Variants in TMX3 observed in about 807,000 individuals in gnomAD.
The protein encoded by TMX3 is thioredoxin related transmembrane protein 3, also known as protein disulfide-isomerase TMX3.
TMX3 carries 40 observed loss-of-function variants against 64.4 expected under a neutral mutation model. The observed-to-expected ratio is 0.62, with a 90% CI of 0.48 to 0.81. The LOEUF (loss-of-function observed/expected upper bound fraction) is 0.81, where lower values mean the gene tolerates loss of function less well. TMX3 is among the 30% of genes least tolerant of loss of function. The pLI is 0.00. For missense variants in TMX3, 497 were observed against 534.5 expected, an observed-to-expected ratio of 0.93 and a Z score of 0.69; for synonymous variants, 189 against 175.7, an observed-to-expected ratio of 1.08 and a Z score of -0.60.
rs950069655 is a variant in TMX3, at chr18:68,710,104, G to C, written c.182C>G (p.Pro61Arg). 1.3e-6 allele frequency: 2 copies of C among 1,599,392 alleles called. No homozygotes were observed. The highest frequency in any genetic ancestry group is 1.7e-6 in the Non-Finnish European group (2 of 1,173,516). Residue 61 changes from proline (P) to arginine (R), a missense_variant, in exon 4 of 16, where the codon CCA becomes CGA. By Grantham distance (103) the Pro-to-Arg change is moderately radical. Coordinates refer to ENST00000299608, the MANE Select transcript of TMX3 (RefSeq NM_019022.5). ...CTCAAGACCAACTTCATTCCAAATTGGTTCCAGCTTTTTACAATGGCCACA... is the reference window on the plus strand; with the variant it reads ...CTCAAGACCAACTTCATTCCAAATTCGTTCCAGCTTTTTACAATGGCCACA... Reference protein sequence around the residue: ...PWCGHCKKLEPIWNEVGLEMK... With the variant: ...PWCGHCKKLERIWNEVGLEMK...
At chr18:68,688,553 T>A (rs1273936923) in intron 9 of TMX3, 1 of 152,216 alleles carries the variant, frequency 6.6e-6, no homozygotes, top group Non-Finnish European at 1.5e-5. Context: ...TACATCTGGT[T>A]GAAGAATGGA....
chr18:68,700,557 A>C, intron 5 of TMX3, 72 bp from the exon 6 acceptor site: 1 of 1,161,664 alleles, frequency 8.6e-7, no homozygotes. Flanking sequence ...ATCATTATCT[A>C]TTGTTTCATA....
intron 8 of TMX3, among the ~76,000 whole-genome samples, chr18:68,695,949 T>G (rs963092036): frequency 2.0e-4 from 30 of 152,192 alleles, no homozygotes; most frequent in Non-Finnish European, 2.9e-4. Flanking sequence ...CCTACTGTTT[T>G]GTTCCTGCAT....
intron 4 of TMX3, among the ~76,000 whole-genome samples, chr18:68,709,223 G>A (rs1468240775): frequency 2.0e-5 from 3 of 152,130 alleles, no homozygotes; most frequent in African/African-American, 7.2e-5. Context: ...CAGGCAGAGC[G>A]AGGATTTGAA....
chr18:68,706,077 T>C (rs2030630323), intron 4 of TMX3, among the ~76,000 whole-genome samples: 1 of 152,202 alleles, frequency 6.6e-6, no homozygotes, highest in Non-Finnish European at 1.5e-5. Flanking sequence ...AGTGGAATCA[T>C]CTGAAGTGCT....
intron 4 of TMX3, among the ~76,000 whole-genome samples, chr18:68,703,402 A>G (rs2030325604): frequency 6.6e-6 from 1 of 152,220 alleles, no homozygotes; most frequent in Non-Finnish European, 1.5e-5. Context: ...GCAATCAATG[A>G]GAAAACACAC....
intron 2 of TMX3, among the ~76,000 whole-genome samples, chr18:68,713,033 G>C (rs1395874137): frequency 3.3e-5 from 5 of 150,368 alleles, no homozygotes; most frequent in South Asian, 2.1e-4. Flanking sequence ...AGAGGCACCA[G>C]CTCCTCAGTG....
Position 68,697,371 on chromosome 18 carries a change from A to G in TMX3, c.493-68T>C, listed in dbSNP as rs938073780. 2.6e-5 allele frequency: 21 copies of G among 812,898 alleles called. No individual in the cohort carries two copies. In the African/African-American group the frequency reaches 3.3e-4, roughly 13 times the overall value. 50.4% of individuals were successfully genotyped at this position (812,898 alleles called of 1,614,324 possible). On this transcript the variant is annotated intron_variant, in intron 7 of 15. Coordinates refer to ENST00000299608, the MANE Select transcript of TMX3 (RefSeq NM_019022.5). Reference sequence around the variant, plus strand: ...AAGGCCAAAATTCATTCCTCATTAAACAATGAGAGTTACCTTATGTAGTAA... The same window carrying G: ...AAGGCCAAAATTCATTCCTCATTAAGCAATGAGAGTTACCTTATGTAGTAA...
At chr18:68,679,436 T>C (rs757183126) in intron 15 of TMX3, 27 bp downstream of exon 15, 1 of 1,572,368 alleles carries the variant, frequency 6.4e-7, no homozygotes, top group Non-Finnish European at 8.7e-7. Context: ...TTCTTCATTA[T>C]CAATGACATA....
chr18:68,687,985 TTAAAAA>T (rs1223424320), intron 9 of TMX3: 1 of 311,842 alleles, frequency 3.2e-6, no homozygotes, highest in African/African-American at 2.2e-5. Context: ...ATAAAAATAA[TTAAAAA>T]TAAAGGAAAT....
intron 2 of TMX3, 95 bp from the exon 3 acceptor site, chr18:68,711,498 GA>G: frequency 2.5e-6 from 2 of 811,112 alleles, no homozygotes; most frequent in Non-Finnish European, 3.7e-6. Context: ...AAATATAAGG[GA>G]AAGACCCAAA....
intron 10 of TMX3, 111 bp from the exon 11 acceptor site, chr18:68,684,596 C>G (rs775369568): frequency 4.0e-5 from 34 of 851,396 alleles, no homozygotes; most frequent in Non-Finnish European, 6.5e-5. Context: ...GAATTTAATT[C>G]CAATCACCCT....
chr18:68,706,576 C>G (rs892197172), intron 4 of TMX3, among the ~76,000 whole-genome samples: 1 of 152,136 alleles, frequency 6.6e-6, no homozygotes, highest in African/African-American at 2.4e-5. Flanking sequence ...AATTCTATTG[C>G]AGGTCGTCTA....
Position 68,710,971 on chromosome 18 carries a change from T to G in TMX3, c.141+393A>C, listed in dbSNP as rs569293039. Reference sequence around the variant, plus strand: ...GTGAAACTTTAATTTTGTCCACTGTTAAGATGAAAATATGACTTTGACTAA... The same window carrying G: ...GTGAAACTTTAATTTTGTCCACTGTGAAGATGAAAATATGACTTTGACTAA... On this transcript the variant is annotated intron_variant, in intron 3 of 15. Transcript: ENST00000299608. Among the ~76,000 whole-genome samples the G allele has an allele frequency of 1.3e-3, 199 of 152,286 alleles. 1 individual carries two copies. The highest frequency in any genetic ancestry group is 4.5e-3 in the African/African-American group (186 of 41,582).
chr18:68,695,924 C>T lies in TMX3; in HGVS notation c.570+1302G>A, dbSNP rs984387680. On this transcript the variant is annotated intron_variant, in intron 8 of 15. Coordinates refer to ENST00000299608, the MANE Select transcript of TMX3 (RefSeq NM_019022.5). ...CCCACTTCCCATCACACTGTAGGCA[C>T]TACAGTCACATTGGCCTACTGTTTT... Among the ~76,000 whole-genome samples, 80 of 152,312 alleles carry T rather than the reference C, an allele frequency of 5.3e-4. 1 individual carries two copies. Among genetic ancestry groups the T allele is most frequent in the Non-Finnish European group, 1.5e-4 (10 of 68,026 alleles).
chr18:68,680,334 C>A (rs1011988407), intron 14 of TMX3, among the ~76,000 whole-genome samples: 1 of 152,104 alleles, frequency 6.6e-6, no homozygotes, highest in South Asian at 2.1e-4. Context: ...ATGCTGGTCA[C>A]AACCTGATTG....
chr18:68,709,841 C>CTACATACTACATACTACAT (rs1555691260), intron 4 of TMX3, among the ~76,000 whole-genome samples, 180 bp downstream of exon 4: 7,613 of 151,986 alleles, frequency 0.05, 518 homozygotes, highest in African/African-American at 0.15. Flanking sequence ...GATTAACACA[C>CTACATACTACATACTACAT]ACTACACGCT....
At chr18:68,683,685 AG>A in intron 12 of TMX3, among the ~76,000 whole-genome samples, 1 of 152,124 alleles carries the variant, frequency 6.6e-6, no homozygotes, top group Admixed American at 6.5e-5. Context: ...TTTAGCTTGC[AG>A]GACATACCAT....
chr18:68,687,578 G>A (rs1914086378), intron 10 of TMX3, 89 bp downstream of exon 10: 1 of 1,526,770 alleles, frequency 6.5e-7, no homozygotes, highest in African/African-American at 1.4e-5. Context: ...GAGAAATAGA[G>A]CTTAAATTCA....
Sources: gnomAD v4.1 joint callset for allele counts (sites outside exome capture counted in the v4.1 genomes callset) on GRCh38, gnomAD v4.1.1 for gene constraint, MANE v1.5 for transcripts, NCBI Gene and HGNC (gene_info 2026-07-23, HGNC 2026-07-21) for gene names.